The following NPM2 variants were observed in gnomAD, a reference collection of about 807,000 sequenced individuals.
NPM2 encodes the protein nucleoplasmin-2.
In NPM2, 25 loss-of-function variants were observed where a neutral mutation model predicts 32.0. The observed-to-expected ratio is 0.78, with a 90% confidence interval of 0.57 to 1.09. The LOEUF (loss-of-function observed/expected upper bound fraction) is 1.09, where lower values mean the gene tolerates loss of function less well. Among genes scored for constraint, NPM2 ranks in the 50% least tolerant of loss-of-function variants. NPM2 has a pLI of 0.00. For missense variants in NPM2, 282 were observed against 259.9 expected (o/e 1.08, Z -0.58); for synonymous variants, 111 against 94.2 (o/e 1.18, Z -1.04).
At chr8:22,034,576 G>C (rs1400692245) in intron 8 of NPM2, 32 bp downstream of exon 8, 2 of 1,553,744 alleles carry the variant, frequency 1.3e-6, no homozygotes, top group African/African-American at 2.7e-5. Flanking sequence ...ATTAGCCAAA[G>C]TCTCCAGCTG....
intron 6 of NPM2, 76 bp from the exon 7 acceptor site, chr8:22,034,033 A>T: frequency 6.5e-7 from 1 of 1,528,996 alleles, no homozygotes. Context: ...AGCAACACGG[A>T]TCACAGAATG....
intron 5 of NPM2, among the ~76,000 whole-genome samples, chr8:22,028,341 ATTTTTT>A (rs36012479): frequency 1.5e-5 from 1 of 65,570 alleles, no homozygotes; most frequent in Non-Finnish European, 2.8e-5. Flanking sequence ...TGCCAAAAAG[ATTTTTT>A]TTTTTTTTTT....
rs1800500559 is a variant in NPM2, at chr8:22,033,219, T to TAAC, written c.360_361insAAC (p.Arg120_Tyr121insAsn). Reference sequence around the variant, plus strand: ...CCGTGTTCCTCAGTGGCCAGGAACGTTATGGTAAGTCAGAGCCTGCGATCA... The same window carrying TAAC: ...CCGTGTTCCTCAGTGGCCAGGAACGTAACTATGGTAAGTCAGAGCCTGCGATCA... On this transcript the variant is annotated inframe_insertion, in exon 6 of 10. Transcript: ENST00000518119. 2 of 1,613,486 alleles carry TAAC rather than the reference T, an allele frequency of 1.2e-6. No homozygotes were observed. Among genetic ancestry groups the TAAC allele is most frequent in the Non-Finnish European group, 8.5e-7 (1 of 1,179,594 alleles).
Position 22,025,436 on chromosome 8 carries a change from G to A in NPM2, c.59G>A (p.Gly20Asp), listed in dbSNP as rs753816878. ...EEKAVTTVLW[G>D]CELSQERRTW... ...ACTTCCCTCCCTTTCTCCTCCGCAG[G>A]CTGCGAGCTCAGTCAGGAGAGGCGG... Residue 20 changes from glycine to aspartate, a missense_variant and splice_region_variant, in exon 4 of 10, where the codon GGC becomes GAC. By Grantham distance (94) the Gly-to-Asp change is moderately conservative. Coordinates refer to ENST00000518119, the MANE Select transcript of NPM2 (RefSeq NM_001286680.2). 2 of 1,613,924 alleles carry A rather than the reference G, an allele frequency of 1.2e-6. No individual in the cohort carries two copies. The highest frequency in any genetic ancestry group is 4.5e-5 in the East Asian group (2 of 44,884).
At chr8:22,025,026 C>T (rs1800186649) in intron 2 of NPM2, 190 bp from the exon 3 acceptor site, 1 of 553,446 alleles carries the variant, frequency 1.8e-6, no homozygotes, top group Non-Finnish European at 3.1e-6. Context: ...CGGTCGAGCC[C>T]CGGGCTGCGC....
intron 5 of NPM2, among the ~76,000 whole-genome samples, chr8:22,027,656 G>T (rs918778256): frequency 1.3e-5 from 2 of 151,096 alleles, no homozygotes. Context: ...ACCCAGGCTG[G>T]AGTGCAATGG....
chr8:22,026,579 G>T (rs531270882), intron 5 of NPM2, among the ~76,000 whole-genome samples: 1 of 150,532 alleles, frequency 6.6e-6, no homozygotes, highest in East Asian at 2.0e-4. Context: ...CTCAGCCTTC[G>T]GAGTAGCTGG....
chr8:22,032,355 C>T (rs1384205012), intron 5 of NPM2, among the ~76,000 whole-genome samples: 1 of 152,146 alleles, frequency 6.6e-6, no homozygotes, highest in African/African-American at 2.4e-5. Context: ...TGTAGAGGCT[C>T]TTGTCATTTA....
chr8:22,025,070 A>T (rs1800188759), intron 2 of NPM2, 146 bp from the exon 3 acceptor site: 1 of 612,760 alleles, frequency 1.6e-6, no homozygotes, highest in South Asian at 2.2e-5. Flanking sequence ...GTCCTCCAGG[A>T]GTTGCCGGTG....
At chr8:22,035,204 C>T (rs566384528) in intron 8 of NPM2, among the ~76,000 whole-genome samples, 4 of 152,326 alleles carry the variant, frequency 2.6e-5, no homozygotes, top group South Asian at 2.1e-4. Context: ...TAAGCTACAT[C>T]CCTCTTCTCA....
rs1800552953 is a variant in NPM2, at chr8:22,034,491, A to G, written c.532-19A>G. On this transcript the variant is annotated intron_variant, in intron 7 of 9. Transcript: ENST00000518119. ...GACTTTGTCTGAACTCTCATAATAC[A>G]CTGTTTTTTGGTTCCCAGAAAAAAA... 4 of 1,606,452 alleles carry G rather than the reference A, an allele frequency of 2.5e-6. No homozygotes were observed. The highest frequency in any genetic ancestry group is 1.1e-5 in the South Asian group (1 of 90,796).
At chr8:22,034,003 T>C in intron 6 of NPM2, 106 bp from the exon 7 acceptor site, 1 of 1,473,616 alleles carries the variant, frequency 6.8e-7, no homozygotes, top group Admixed American at 2.3e-5. Context: ...AGGCTAGGAT[T>C]CCTCCAGGGC....
chr8:22,033,280 G>T (rs890346040), intron 6 of NPM2, 57 bp downstream of exon 6: 2 of 1,290,108 alleles, frequency 1.6e-6, no homozygotes, highest in Admixed American at 1.7e-5. Flanking sequence ...GCAGGGGCTC[G>T]GGACATACTA....
At chr8:22,028,261 T>G (rs1800320567) in intron 5 of NPM2, among the ~76,000 whole-genome samples, 1 of 151,978 alleles carries the variant, frequency 6.6e-6, no homozygotes, top group Non-Finnish European at 1.5e-5. Context: ...GGAGACCATA[T>G]GGTTTGCAAA....
In NPM2 at chr8:22,036,739, G is replaced by A; in HGVS notation, c.*57G>A. 2 of 1,488,216 alleles carry A rather than the reference G, an allele frequency of 1.3e-6. No homozygotes were observed. The highest frequency in any genetic ancestry group is 2.6e-5 in the Admixed American group (1 of 39,036). The allele number at this position is 1,488,216 out of a possible 1,614,324, so 92.2% of individuals were successfully genotyped here. On this transcript the variant is annotated 3_prime_UTR_variant, in exon 10 of 10. Coordinates refer to ENST00000518119, the MANE Select transcript of NPM2 (RefSeq NM_001286680.2). ...TGGGCCTTCCCTGGGCTGTGCTGCA[G>A]GCACAGGGTGCCCCTGTCCAGCCCC...
chr8:22,031,222 T>A (rs1800429057), intron 5 of NPM2, among the ~76,000 whole-genome samples: 1 of 152,208 alleles, frequency 6.6e-6, no homozygotes, highest in Admixed American at 6.5e-5. Flanking sequence ...TGCTTTGTTG[T>A]TAGCTTCCTT....
At chr8:22,026,907 A>G (rs946781078) in intron 5 of NPM2, among the ~76,000 whole-genome samples, 2 of 152,208 alleles carry the variant, frequency 1.3e-5, no homozygotes, top group African/African-American at 4.8e-5. Context: ...AGGTTAAGGA[A>G]GTCCCCATCT....
At chr8:22,024,918 C>T in intron 2 of NPM2, 88 bp downstream of exon 2, 1 of 353,482 alleles carries the variant, frequency 2.8e-6, no homozygotes, top group South Asian at 4.6e-5. Flanking sequence ...GCTTTTGAGT[C>T]AGGCCCAAGC....
At chr8:22,034,355 T>G in intron 7 of NPM2, 80 bp downstream of exon 7, 1 of 1,448,102 alleles carries the variant, frequency 6.9e-7, no homozygotes, top group East Asian at 2.3e-5. Context: ...ACCGGGAGCC[T>G]GGGCCAGCCT....
Sources: gnomAD v4.1 joint callset for allele counts (sites outside exome capture counted in the v4.1 genomes callset) on GRCh38, gnomAD v4.1.1 for gene constraint, MANE v1.5 for transcripts, NCBI Gene and HGNC (gene_info 2026-07-23, HGNC 2026-07-21) for gene names.